Variants in SHROOM3 observed in about 807,000 individuals in gnomAD.
SHROOM3 encodes the protein protein Shroom3.
In SHROOM3, 47 loss-of-function variants were observed where a neutral mutation model predicts 138.6. The ratio of observed to expected loss-of-function variants is 0.34; its 90% CI spans 0.27 to 0.43. The LOEUF (loss-of-function observed/expected upper bound fraction) is 0.43. Among genes scored for constraint, SHROOM3 ranks in the 20% least tolerant of loss-of-function variants. The pLI is 1.00. For synonymous variants in SHROOM3, 1,062 were observed against 1,063.3 expected, an observed-to-expected ratio of 1.00 and a Z score of 0.02; for missense variants, 2,491 against 2,596.5, an observed-to-expected ratio of 0.96 and a Z score of 0.88.
At chr4:76,484,740 A>G (rs188899583) in intron 1 of SHROOM3, among the ~76,000 whole-genome samples, 253 of 152,294 alleles carry the variant, frequency 1.7e-3, no homozygotes, top group African/African-American at 5.9e-3. Flanking sequence ...CTCAACATCT[A>G]TTAGCAAAAA....
chr4:76,726,113 G>C (rs1454642236), intron 3 of SHROOM3, among the ~76,000 whole-genome samples: 1 of 152,018 alleles, frequency 6.6e-6, no homozygotes, highest in Admixed American at 6.5e-5. Context: ...CAAATCCAGT[G>C]GCCATGCATC....
At chr4:76,710,957 C>T (rs1720212481) in intron 3 of SHROOM3, among the ~76,000 whole-genome samples, 1 of 152,216 alleles carries the variant, frequency 6.6e-6, no homozygotes, top group African/African-American at 2.4e-5. Context: ...ATCAGCACAA[C>T]AGTGCCTACT....
At chr4:76,724,862 G>GGTAT (rs1417504019) in intron 3 of SHROOM3, among the ~76,000 whole-genome samples, 2 of 152,120 alleles carry the variant, frequency 1.3e-5, no homozygotes, top group Admixed American at 1.3e-4. Context: ...TCTTTTGATG[G>GGTAT]GTATGTTATT....
chr4:76,617,402 C>A (rs4859697), intron 2 of SHROOM3, among the ~76,000 whole-genome samples: 100,210 of 152,034 alleles, frequency 0.66, 33,706 homozygotes, highest in East Asian at 0.94. Context: ...ATTTAATTCA[C>A]ATAATAACCA....
At chr4:76,716,384 A>G (rs1720373706) in intron 3 of SHROOM3, 1 of 518,916 alleles carries the variant, frequency 1.9e-6, no homozygotes, top group African/African-American at 1.9e-5. Context: ...GAGGGTTGCT[A>G]TCTGGGATGT....
intron 1 of SHROOM3, among the ~76,000 whole-genome samples, chr4:76,462,529 G>A (rs1682676713): frequency 6.6e-6 from 1 of 152,204 alleles, no homozygotes; most frequent in Admixed American, 6.5e-5. Context: ...ATGTTGAAGT[G>A]TAATCCCCAA....
At chr4:76,642,804 G>A (rs772344106) in intron 2 of SHROOM3, among the ~76,000 whole-genome samples, 40 of 152,072 alleles carry the variant, frequency 2.6e-4, no homozygotes, top group Admixed American at 1.2e-3. Flanking sequence ...TGATCTGGGT[G>A]GGGGAGGAGG....
intron 1 of SHROOM3, among the ~76,000 whole-genome samples, chr4:76,446,748 C>T (rs1168857943): frequency 1.3e-5 from 2 of 152,166 alleles, no homozygotes; most frequent in African/African-American, 4.8e-5. Context: ...TCCCGACATG[C>T]TGATGAGCCC....
At chr4:76,513,044 C>T (rs529834897) in intron 1 of SHROOM3, among the ~76,000 whole-genome samples, 37 of 152,272 alleles carry the variant, frequency 2.4e-4, no homozygotes, top group Non-Finnish European at 1.3e-4. Flanking sequence ...TGCTAAGTCA[C>T]CCTCCACAGA....
At position 76,780,614 on chromosome 4, in the gene SHROOM3, C is replaced by T. The variant is rs1578044253; in HGVS notation, c.*1437C>T. On this transcript the variant is annotated 3_prime_UTR_variant, in exon 11 of 11. Transcript: ENST00000296043. ...TTTTCATTACTTAATGAAGTTTTAT[C>T]TCCTATGTAAGAATATCAAAATTGT... The T allele has an allele frequency of 1.3e-5, 2 of 151,750 alleles. No individual in the cohort carries two copies. The highest frequency in any genetic ancestry group is 7.0e-3 in the Middle Eastern group (2 of 286). The allele number at this position is 151,750 out of a possible 1,614,324, so 9.4% of individuals were successfully genotyped here.
At chr4:76,763,279 CG>C (rs1385487773) in intron 9 of SHROOM3, among the ~76,000 whole-genome samples, 2 of 151,768 alleles carry the variant, frequency 1.3e-5, no homozygotes, top group Non-Finnish European at 2.9e-5. Flanking sequence ...CCCAGCTACT[CG>C]GAAGGCTGAG....
intron 3 of SHROOM3, 47 bp from the exon 4 acceptor site, chr4:76,730,757 G>T (rs754467248): frequency 6.2e-7 from 1 of 1,612,592 alleles, no homozygotes; most frequent in Non-Finnish European, 8.5e-7. Flanking sequence ...AGGAGACTCA[G>T]CTGAGACTTT....
rs960118361 is a variant in SHROOM3, at chr4:76,739,510, T to A, written c.1337T>A (p.Val446Glu). Reference protein sequence around the residue: ...LEKSPENSPPVKPKHNYTQKA... With the variant: ...LEKSPENSPPEKPKHNYTQKA... ...AAGAGTCCAGAGAACAGCCCCCCAG[T>A]GAAGCCCAAGCATAACTATACCCAG... The change falls in exon 5 of 11, where the codon GTG becomes GAG. Residue 446 changes from valine to glutamate, a missense_variant. Around this residue, in one of 4 missense-constraint regions of SHROOM3, gnomAD observed 1,733 missense variants for 1,661.6 expected, o/e 1.04. Coordinates refer to ENST00000296043, the MANE Select transcript of SHROOM3 (RefSeq NM_020859.4). 6.2e-7 allele frequency: 1 copy of A among 1,613,946 alleles called. No homozygotes were observed.
chr4:76,577,966 T>C (rs1320825496), intron 2 of SHROOM3, among the ~76,000 whole-genome samples: 1 of 152,218 alleles, frequency 6.6e-6, no homozygotes, highest in Non-Finnish European at 1.5e-5. Flanking sequence ...ACTGTGTTCA[T>C]TGTTTTTTTT....
At chr4:76,526,607 C>T (rs1015933201) in intron 1 of SHROOM3, among the ~76,000 whole-genome samples, 1 of 152,174 alleles carries the variant, frequency 6.6e-6, no homozygotes, top group African/African-American at 2.4e-5. Flanking sequence ...CTTGGGTACA[C>T]TGTACACCAC....
chr4:76,555,458 C>A, intron 1 of SHROOM3, 151 bp from the exon 2 acceptor site: 1 of 1,170,168 alleles, frequency 8.5e-7, no homozygotes, highest in Non-Finnish European at 1.2e-6. Context: ...CCTGCGCTCT[C>A]ACAGTTTTCC....
intron 1 of SHROOM3, among the ~76,000 whole-genome samples, chr4:76,449,219 G>C (rs1431407962): frequency 1.3e-5 from 2 of 151,516 alleles, no homozygotes; most frequent in Non-Finnish European, 2.9e-5. Context: ...GAACAGAATA[G>C]ATAGAGAAAA....
chr4:76,541,218 G>C (rs1733090385), intron 1 of SHROOM3, among the ~76,000 whole-genome samples: 1 of 151,980 alleles, frequency 6.6e-6, no homozygotes, highest in Admixed American at 6.6e-5. Flanking sequence ...TTCAGTCTAA[G>C]GAATGAAAAG....
At chr4:76,457,870 A>T (rs1278266406) in intron 1 of SHROOM3, among the ~76,000 whole-genome samples, 1 of 146,570 alleles carries the variant, frequency 6.8e-6, no homozygotes, top group Non-Finnish European at 1.5e-5. Flanking sequence ...ATCTCGGCTC[A>T]CTGCAAGCTC....
Sources: gnomAD v4.1 joint callset for allele counts (sites outside exome capture counted in the v4.1 genomes callset) on GRCh38, gnomAD v4.1.1 for gene constraint, gnomAD v4.1.1 regional missense constraint, MANE v1.5 for transcripts, NCBI Gene and HGNC (gene_info 2026-07-23, HGNC 2026-07-21) for gene names.